The following BLTP1 variants were observed in gnomAD, a reference collection of about 807,000 sequenced individuals.
BLTP1 encodes fragile site-associated protein.
chr4:122,170,273 C>G, the BLTP1 span: 1 of 833,848 alleles, frequency 1.2e-6, no homozygotes, highest in Non-Finnish European at 1.4e-6. Context: ...CCATTGCACT[C>G]CAGCCTGGGC....
chr4:122,340,717 T>C, the BLTP1 span: 1 of 984,958 alleles, frequency 1.0e-6, no homozygotes, highest in African/African-American at 1.7e-5. Flanking sequence ...ATCTAGTACT[T>C]AGCTTCAAAA....
chr4:122,177,335 C>T, the BLTP1 span, among the ~76,000 whole-genome samples: 2 of 152,200 alleles, frequency 1.3e-5, no homozygotes, highest in African/African-American at 4.8e-5. Context: ...GCCCAAGTCG[C>T]CATCATCTTC....
the BLTP1 span, among the ~76,000 whole-genome samples, chr4:122,332,294 A>C: frequency 1.3e-5 from 2 of 152,014 alleles, no homozygotes; most frequent in African/African-American, 4.8e-5. Context: ...TACTATAAAC[A>C]GTTAAAATGT....
the BLTP1 span, chr4:122,331,054 C>T: frequency 1.0e-6 from 1 of 965,834 alleles, no homozygotes; most frequent in Non-Finnish European, 1.2e-6. Context: ...TATTTTCCAA[C>T]ATACACAGTA....
At chr4:122,281,835 T>C in the BLTP1 span, 1 of 1,422,224 alleles carries the variant, frequency 7.0e-7, no homozygotes. Flanking sequence ...AAATTAGTAA[T>C]ATTTTGATAA....
chr4:122,247,634 C>G, the BLTP1 span: 1 of 1,208,594 alleles, frequency 8.3e-7, no homozygotes, highest in Non-Finnish European at 1.0e-6. Flanking sequence ...TGTGTTTTTT[C>G]CATGCTATTT....
At chr4:122,348,717 C>T in the BLTP1 span, 3 of 1,572,288 alleles carry the variant, frequency 1.9e-6, no homozygotes, top group Non-Finnish European at 2.6e-6. Flanking sequence ...GGAAATACAA[C>T]GTAAGCTATT....
chr4:122,249,855 G>A, the BLTP1 span: 4 of 981,104 alleles, frequency 4.1e-6, no homozygotes, highest in East Asian at 2.3e-4. Flanking sequence ...TGCTTAAGTG[G>A]AGCTTTTCCT....
At chr4:122,333,681 A>G in the BLTP1 span, 1 of 1,611,574 alleles carries the variant, frequency 6.2e-7, no homozygotes, top group Non-Finnish European at 8.5e-7. Context: ...TTCAAAAAAG[A>G]AGAAGTTTCA....
chr4:122,185,821 G>T, the BLTP1 span, among the ~76,000 whole-genome samples: 2 of 151,864 alleles, frequency 1.3e-5, no homozygotes, highest in South Asian at 4.1e-4. Context: ...AATTAAAGTT[G>T]TTTTTAGAAT....
chr4:122,261,685 A>C, the BLTP1 span: 1 of 984,998 alleles, frequency 1.0e-6, no homozygotes, highest in East Asian at 1.1e-4. Context: ...AGATGGGTTA[A>C]AAATCTGGCT....
chr4:122,346,606 T>A, the BLTP1 span: 1 of 1,608,760 alleles, frequency 6.2e-7, no homozygotes, highest in Non-Finnish European at 8.5e-7. Context: ...TACTAACAAA[T>A]GTTATTTATG....
the BLTP1 span, chr4:122,282,105 A>G: frequency 2.0e-6 from 2 of 979,904 alleles, no homozygotes; most frequent in East Asian, 2.3e-4. Context: ...TTATTTTCAC[A>G]TTGGGTTCAT....
the BLTP1 span, among the ~76,000 whole-genome samples, chr4:122,322,531 T>G: frequency 6.6e-6 from 1 of 152,152 alleles, no homozygotes; most frequent in African/African-American, 2.4e-5. Flanking sequence ...ATGCTTGTTC[T>G]GTCTCTTTAG....
the BLTP1 span, chr4:122,274,528 T>G: frequency 2.3e-5 from 35 of 1,502,406 alleles, no homozygotes; most frequent in Non-Finnish European, 3.0e-5. Context: ...GAGGTTTGTA[T>G]ATACAATATC....
the BLTP1 span, among the ~76,000 whole-genome samples, chr4:122,302,485 A>G: frequency 2.0e-5 from 3 of 152,200 alleles, no homozygotes; most frequent in Non-Finnish European, 4.4e-5. Context: ...GTGATCAGAA[A>G]TCTTTGATGT....
chr4:122,163,526 G>A, the BLTP1 span, among the ~76,000 whole-genome samples: 1 of 152,134 alleles, frequency 6.6e-6, no homozygotes, highest in African/African-American at 2.4e-5. Context: ...CTGTGTAGAG[G>A]TGAGTGCCAA....
the BLTP1 span, chr4:122,315,368 A>G: frequency 6.7e-7 from 1 of 1,498,154 alleles, no homozygotes; most frequent in Non-Finnish European, 9.1e-7. Context: ...AGTGAAAGAC[A>G]TTAGTTATTA....
the BLTP1 span, chr4:122,226,759 G>T: frequency 6.2e-7 from 1 of 1,613,332 alleles, no homozygotes; most frequent in Non-Finnish European, 8.5e-7. Context: ...GTGGTATGTC[G>T]GGAGTATGAA....
Sources: gnomAD v4.1 joint callset for allele counts (sites outside exome capture counted in the v4.1 genomes callset) on GRCh38, gnomAD v4.1.1 for gene constraint, MANE v1.5 for transcripts, NCBI Gene and HGNC (gene_info 2026-07-23, HGNC 2026-07-21) for gene names.